The following GPC6 variants were observed in gnomAD, a reference collection of about 807,000 sequenced individuals.
GPC6 encodes glypican 6.
Under a neutral mutation model 55.2 loss-of-function variants are expected in GPC6, and 14 were observed. The observed-to-expected ratio is 0.25, with a 90% confidence interval of 0.17 to 0.40. GPC6 has a LOEUF of 0.40. GPC6 is among the 10% of genes least tolerant of loss of function. The probability of loss-of-function intolerance (pLI) is 1.00; values close to 1 mark genes in which losing one functional copy is unlikely to be tolerated. For synonymous variants in GPC6, 278 were observed against 259.6 expected (o/e 1.07, Z -0.68); for missense variants, 641 against 708.5 (o/e 0.90, Z 1.08).
intron 1 of GPC6, among the ~76,000 whole-genome samples, chr13:93,418,095 T>C (rs1191989491): frequency 6.6e-6 from 1 of 151,968 alleles, no homozygotes; most frequent in Non-Finnish European, 1.5e-5. Context: ...CCAACTTCTA[T>C]TATTTTAATT....
At chr13:94,012,054 G>T (rs574883475) in intron 3 of GPC6, among the ~76,000 whole-genome samples, 8 of 151,760 alleles carry the variant, frequency 5.3e-5, no homozygotes, top group Non-Finnish European at 1.0e-4. Flanking sequence ...TATTTTCTTT[G>T]TCCTTTGATT....
intron 4 of GPC6, among the ~76,000 whole-genome samples, chr13:94,266,984 G>T (rs1049583091): frequency 2.0e-5 from 3 of 152,100 alleles, no homozygotes; most frequent in Non-Finnish European, 2.9e-5. Context: ...AGTCCCAAAG[G>T]TGCTATTATG....
intron 2 of GPC6, among the ~76,000 whole-genome samples, chr13:93,598,129 C>T (rs573555829): frequency 1.2e-3 from 175 of 151,898 alleles, no homozygotes; most frequent in African/African-American, 4.1e-3. Context: ...GGCAACAGAG[C>T]GAGACTCCAT....
chr13:93,855,019 C>A (rs2139017924), intron 3 of GPC6, among the ~76,000 whole-genome samples: 1 of 151,642 alleles, frequency 6.6e-6, no homozygotes, highest in South Asian at 2.1e-4. Flanking sequence ...ACTGATGAAC[C>A]TCATTGACAC....
intron 1 of GPC6, among the ~76,000 whole-genome samples, chr13:93,305,740 A>G (rs1878834937): frequency 6.6e-6 from 1 of 152,078 alleles, no homozygotes; most frequent in Non-Finnish European, 1.5e-5. Context: ...TATTCTTCCA[A>G]CTTTTCAGAT....
intron 3 of GPC6, among the ~76,000 whole-genome samples, chr13:93,926,726 G>T (rs1382932994): frequency 6.6e-6 from 1 of 152,142 alleles, no homozygotes; most frequent in African/African-American, 2.4e-5. Context: ...TCATTGAAAT[G>T]ATAAGATTCC....
intron 2 of GPC6, among the ~76,000 whole-genome samples, chr13:93,747,245 A>T (rs2138857200): frequency 6.6e-6 from 1 of 152,346 alleles, no homozygotes; most frequent in Middle Eastern, 3.4e-3. Context: ...TGCCACTATC[A>T]GCAGTGGCAC....
At chr13:94,057,764 A>T (rs1884180623) in intron 4 of GPC6, among the ~76,000 whole-genome samples, 1 of 152,188 alleles carries the variant, frequency 6.6e-6, no homozygotes. Flanking sequence ...AAGAGAGTTG[A>T]CAGAAACCAA....
chr13:94,184,113 T>G (rs578041899), intron 4 of GPC6, among the ~76,000 whole-genome samples: 1 of 152,194 alleles, frequency 6.6e-6, no homozygotes, highest in East Asian at 1.9e-4. Context: ...TTTCACCATA[T>G]ACAGAAATGA....
intron 1 of GPC6, among the ~76,000 whole-genome samples, chr13:93,371,262 G>C (rs780486471): frequency 6.6e-6 from 1 of 152,030 alleles, no homozygotes; most frequent in South Asian, 2.1e-4. Flanking sequence ...TAGCCTTCCG[G>C]TAGGCATCAT....
intron 1 of GPC6, among the ~76,000 whole-genome samples, chr13:93,270,893 A>G (rs1489344165): frequency 6.6e-6 from 1 of 152,154 alleles, no homozygotes; most frequent in Non-Finnish European, 1.5e-5. Flanking sequence ...ACAGATGGAG[A>G]TTAAAGCTGA....
chr13:93,452,269 A>C (rs961374704), intron 1 of GPC6, among the ~76,000 whole-genome samples: 1 of 152,238 alleles, frequency 6.6e-6, no homozygotes, highest in African/African-American at 2.4e-5. Context: ...CCTTGATACT[A>C]TGAGACAGAT....
At chr13:94,069,352 C>G (rs572758898) in intron 4 of GPC6, among the ~76,000 whole-genome samples, 10 of 152,218 alleles carry the variant, frequency 6.6e-5, no homozygotes, top group African/African-American at 2.2e-4. Flanking sequence ...GCCCATAAAA[C>G]CATTTTTTTC....
At chr13:94,012,574 G>C (rs1882293166) in intron 3 of GPC6, among the ~76,000 whole-genome samples, 1 of 152,074 alleles carries the variant, frequency 6.6e-6, no homozygotes, top group Admixed American at 6.6e-5. Context: ...TGTACATCCA[G>C]AATTACCAAA....
At chr13:94,009,012 G>T (rs1258499657) in intron 3 of GPC6, among the ~76,000 whole-genome samples, 2 of 152,082 alleles carry the variant, frequency 1.3e-5, no homozygotes, top group East Asian at 1.9e-4. Flanking sequence ...TGATTGTAAG[G>T]CTCCAAGTGC....
At chr13:94,129,030 A>C (rs1386218334) in intron 4 of GPC6, among the ~76,000 whole-genome samples, 2 of 152,190 alleles carry the variant, frequency 1.3e-5, no homozygotes, top group Non-Finnish European at 2.9e-5. Context: ...CTCAGACTAC[A>C]GTGTCTCTGA....
At chr13:93,507,710 T>G (rs1295071727) in intron 1 of GPC6, among the ~76,000 whole-genome samples, 1 of 152,160 alleles carries the variant, frequency 6.6e-6, no homozygotes, top group Admixed American at 6.5e-5. Flanking sequence ...TCTCAAAAAA[T>G]TACTTTTCCT....
intron 4 of GPC6, among the ~76,000 whole-genome samples, chr13:94,180,215 C>T (rs536928358): frequency 6.6e-6 from 1 of 152,250 alleles, no homozygotes; most frequent in South Asian, 2.1e-4. Context: ...ACAGACACAT[C>T]CTATGACCGT....
At chr13:94,132,420 G>T (rs1202699752) in intron 4 of GPC6, among the ~76,000 whole-genome samples, 1 of 152,030 alleles carries the variant, frequency 6.6e-6, no homozygotes, top group Non-Finnish European at 1.5e-5. Flanking sequence ...CCTCGTTATT[G>T]GGACCCTTCT....
Sources: gnomAD v4.1 joint callset for allele counts (sites outside exome capture counted in the v4.1 genomes callset) on GRCh38, gnomAD v4.1.1 for gene constraint, MANE v1.5 for transcripts, NCBI Gene and HGNC (gene_info 2026-07-23, HGNC 2026-07-21) for gene names.